Variants in RNF144B observed in about 807,000 individuals in gnomAD.
RNF144B encodes the protein E3 ubiquitin-protein ligase RNF144B.
A neutral mutation model predicts 40.2 loss-of-function variants in RNF144B; 25 were observed. The ratio of observed to expected loss-of-function variants is 0.62; its 90% CI spans 0.45 to 0.87. The LOEUF is 0.87. RNF144B is among the 40% of genes least tolerant of loss of function. RNF144B has a pLI of 0.00. For missense variants in RNF144B, 365 were observed against 373.7 expected (o/e 0.98, Z 0.19); for synonymous variants, 145 against 136.3 (o/e 1.06, Z -0.44).
At position 18,465,136 on chromosome 6, in the gene RNF144B, A is replaced by C; in HGVS notation, c.*69A>C. 2 of 1,532,678 alleles carry C rather than the reference A, an allele frequency of 1.3e-6. No homozygotes were observed. Among genetic ancestry groups the C allele is most frequent in the Non-Finnish European group, 1.8e-6 (2 of 1,120,596 alleles). The allele number at this position is 1,532,678 out of a possible 1,614,324, so 94.9% of individuals were successfully genotyped here. A position where few individuals can be genotyped will look rare whatever the true frequency, so the allele number is the denominator to read the frequency against. On this transcript the variant is annotated 3_prime_UTR_variant, in exon 8 of 8. Coordinates refer to ENST00000259939, the MANE Select transcript of RNF144B (RefSeq NM_182757.4). ...ATGGCACAGTGATAAAGCCCCATTTAGTGACCTTGCCTCCTTCTCCTTGCC... is the reference window on the plus strand; with the variant it reads ...ATGGCACAGTGATAAAGCCCCATTTCGTGACCTTGCCTCCTTCTCCTTGCC...
At chr6:18,431,434 A>ACTGT in intron 3 of RNF144B, among the ~76,000 whole-genome samples, 1 of 152,138 alleles carries the variant, frequency 6.6e-6, no homozygotes, top group Non-Finnish European at 1.5e-5. Flanking sequence ...CATGAATTGG[A>ACTGT]CTGTACCACC....
intron 2 of RNF144B, among the ~76,000 whole-genome samples, chr6:18,423,279 G>C (rs953881700): frequency 2.0e-5 from 3 of 152,136 alleles, no homozygotes; most frequent in Non-Finnish European, 4.4e-5. Flanking sequence ...ATGTAGAGGA[G>C]ACTTTAGAGC....
Position 18,425,472 on chromosome 6 carries a change from G to C in RNF144B, c.166-2109G>C, listed in dbSNP as rs9477741. ...CTCCTTTTGGTGAGCCGCCTTGACT[G>C]TTCCCCTGGGTGTTCGCCTGCCCAT... On this transcript the variant is annotated intron_variant, in intron 2 of 7. Transcript: ENST00000259939. This position sits in a 1 kb window ranked among gnomAD's most constrained non-coding sequence, Gnocchi z 4.2. Among the ~76,000 whole-genome samples, 4,803 of 152,168 alleles carry C rather than the reference G, an allele frequency of 0.032. 147 individuals carry two copies. The highest frequency in any genetic ancestry group is 0.075 in the African/African-American group (3,101 of 41,500).
rs566727289 is a variant in RNF144B at position 18,415,166 on chromosome 6, G to A, written c.166-12415G>A. ...GATTTTAAAAATATATTTTCTGTCC[G>A]TGGTTGGTTGAATCCATGGATGTGA... is the stretch of plus-strand genomic sequence containing the variant. On this transcript the variant is annotated intron_variant, in intron 2 of 7. Coordinates refer to ENST00000259939, the MANE Select transcript of RNF144B (RefSeq NM_182757.4). Among the ~76,000 whole-genome samples, 21 of 152,114 alleles carry A rather than the reference G, an allele frequency of 1.4e-4. 1 individual carries two copies. Among genetic ancestry groups the A allele is most frequent in the South Asian group, 4.1e-4 (2 of 4,824 alleles).
At chr6:18,402,646 C>G (rs190397466) in intron 2 of RNF144B, among the ~76,000 whole-genome samples, 1 of 151,944 alleles carries the variant, frequency 6.6e-6, no homozygotes, top group African/African-American at 2.4e-5. Flanking sequence ...TCCCTTTGAC[C>G]GTGCCACCCT....
chr6:18,416,169 A>G lies in RNF144B; in HGVS notation c.166-11412A>G, dbSNP rs1264958075. On this transcript the variant is annotated intron_variant, in intron 2 of 7. Transcript: ENST00000259939. This position sits in a 1 kb window ranked among gnomAD's most constrained non-coding sequence, Gnocchi z 5.5. ...TTTTCTGAGCATACTGTGTCATAAG[A>G]TAGCACCTGGGCCAGAGGGATCTCT... Among the ~76,000 whole-genome samples the G allele has an allele frequency of 6.6e-6, 1 of 152,176 alleles. No homozygotes were observed. Among genetic ancestry groups the G allele is most frequent in the African/African-American group, 2.4e-5 (1 of 41,436 alleles).
chr6:18,424,870 G>C (rs1758510885), intron 2 of RNF144B, among the ~76,000 whole-genome samples: 1 of 152,168 alleles, frequency 6.6e-6, no homozygotes, highest in Admixed American at 6.5e-5. Context: ...TGGTTTAACT[G>C]GTGCTTTGCA....
intron 3 of RNF144B, among the ~76,000 whole-genome samples, chr6:18,430,822 T>G (rs1383722716): frequency 6.6e-6 from 1 of 152,056 alleles, no homozygotes; most frequent in African/African-American, 2.4e-5. Context: ...CCCCCCTCCT[T>G]TGTTCTCCTT....
chr6:18,426,345 G>A (rs906903895), intron 2 of RNF144B, among the ~76,000 whole-genome samples: 8 of 152,092 alleles, frequency 5.3e-5, no homozygotes, highest in Non-Finnish European at 8.8e-5. Context: ...TTTTGGTCAT[G>A]CATGTAGAAA....
At chr6:18,390,339 T>C (rs1049870729) in intron 1 of RNF144B, among the ~76,000 whole-genome samples, 1 of 152,218 alleles carries the variant, frequency 6.6e-6, no homozygotes, top group African/African-American at 2.4e-5. Flanking sequence ...ACTTTGGCAT[T>C]TGCTATTTAC....
rs1019535346 is a variant in RNF144B at position 18,443,533 on chromosome 6, T to C, written c.331+3789T>C. Among the ~76,000 whole-genome samples the C allele has an allele frequency of 6.6e-6, 1 of 152,154 alleles. No individual in the cohort carries two copies. The highest frequency in any genetic ancestry group is 1.5e-5 in the Non-Finnish European group (1 of 68,028). On this transcript the variant is annotated intron_variant, in intron 4 of 7. Transcript: ENST00000259939. The surrounding 1 kb of genome is among the most constrained non-coding windows in gnomAD (Gnocchi z 4.7). ...ACCTCGGCCTCCCAAAGTTCTGGGA[T>C]TACAGGTGTGAGCTACCGTGCCCGG...
At chr6:18,454,583 T>G (rs543893102) in intron 4 of RNF144B, among the ~76,000 whole-genome samples, 47 of 152,228 alleles carry the variant, frequency 3.1e-4, no homozygotes, top group Non-Finnish European at 5.1e-4. Flanking sequence ...GACCTTTATG[T>G]GCTGTCATAA....
chr6:18,400,272 C>CA lies in RNF144B; in HGVS notation c.165+590dup, dbSNP rs11330587. ...TGGGCGACAGAGCGAGACTCTGTCTCAAAAAAAAAAAAAAAAATTTAACAT... is the reference window on the plus strand; with the variant it reads ...TGGGCGACAGAGCGAGACTCTGTCTCAAAAAAAAAAAAAAAAAATTTAACAT... On this transcript the variant is annotated intron_variant, in intron 2 of 7. Coordinates refer to ENST00000259939, the MANE Select transcript of RNF144B (RefSeq NM_182757.4). The surrounding 1 kb of genome is among the most constrained non-coding windows in gnomAD (Gnocchi z 5.6). Among the ~76,000 whole-genome samples, 212 of 115,218 alleles carry CA rather than the reference C, an allele frequency of 1.8e-3. No homozygotes were observed. Among genetic ancestry groups the CA allele is most frequent in the Middle Eastern group, 5.3e-3 (1 of 190 alleles). 75.6% of individuals were successfully genotyped at this position (115,218 alleles called of 152,430 possible). A position where few individuals can be genotyped will look rare whatever the true frequency, so the allele number is the denominator to read the frequency against.
chr6:18,421,120 G>A (rs1381797655), intron 2 of RNF144B, among the ~76,000 whole-genome samples: 1 of 151,856 alleles, frequency 6.6e-6, no homozygotes, highest in Non-Finnish European at 1.5e-5. Context: ...TGGCATGGTG[G>A]TGCGCACCTG....
chr6:18,430,062 T>C (rs1049701059), intron 3 of RNF144B, among the ~76,000 whole-genome samples: 1 of 151,172 alleles, frequency 6.6e-6, no homozygotes, highest in African/African-American at 2.4e-5. Context: ...AATAGCTTGG[T>C]GAAATTTCAA....
At chr6:18,463,863 A>G (rs1289831018) in intron 7 of RNF144B, among the ~76,000 whole-genome samples, 1 of 152,196 alleles carries the variant, frequency 6.6e-6, no homozygotes, top group East Asian at 1.9e-4. Context: ...GAGCAAAGTC[A>G]TGTCTTAAAT....
chr6:18,433,157 A>G (rs2113506605), intron 3 of RNF144B, among the ~76,000 whole-genome samples: 1 of 152,236 alleles, frequency 6.6e-6, no homozygotes, highest in Admixed American at 6.5e-5. Context: ...CTTCCTTCCC[A>G]TTATCATGGT....
At chr6:18,431,157 T>C (rs1758686585) in intron 3 of RNF144B, among the ~76,000 whole-genome samples, 2 of 151,040 alleles carry the variant, frequency 1.3e-5, no homozygotes, top group South Asian at 4.2e-4. Context: ...ACCCAGGAGG[T>C]GGAGGTTGCA....
rs1759348823 is a variant in RNF144B at position 18,457,164 on chromosome 6, T to C, written c.341T>C (p.Leu114Pro). The change falls in exon 5 of 8, where the codon CTG becomes CCG. Residue 114 changes from leucine (L) to proline (P), a missense_variant. Coordinates refer to ENST00000259939, the MANE Select transcript of RNF144B (RefSeq NM_182757.4). This position sits in a 1 kb window ranked among gnomAD's most constrained non-coding sequence, Gnocchi z 5.1. ...QRLKFEREVH[L>P]DPYRTWCPVA... ...TTTCTTTACACTTTAGAAGTTCATC[T>C]GGACCCCTACCGAACATGGTGTCCT... The C allele has an allele frequency of 6.2e-7, 1 of 1,613,026 alleles. No homozygotes were observed. The highest frequency in any genetic ancestry group is 2.2e-5 in the East Asian group (1 of 44,874).
Sources: allele counts gnomAD v4.1 joint callset (sites outside exome capture counted in the v4.1 genomes callset), GRCh38; gene constraint gnomAD v4.1.1; non-coding constraint Gnocchi (gnomAD v3.1); transcripts MANE v1.5; gene names NCBI Gene and HGNC (gene_info 2026-07-23, HGNC 2026-07-21).